The following MYT1L variants were observed in gnomAD, a reference collection of about 807,000 sequenced individuals.
The protein encoded by MYT1L is myelin transcription factor 1 like.
MYT1L carries 12 observed loss-of-function variants against 126.7 expected under a neutral mutation model. That is an observed-to-expected ratio of 0.09 (90% CI 0.06 to 0.15). The LOEUF is 0.15. Ranked by LOEUF, MYT1L falls within the 10% of genes least tolerant of loss-of-function variation. The probability of loss-of-function intolerance (pLI) is 1.00; values close to 1 mark genes in which losing one functional copy is unlikely to be tolerated. For missense variants in MYT1L, 979 were observed against 1,585.2 expected, an observed-to-expected ratio of 0.62 and a Z score of 6.49; for synonymous variants, 541 against 604.2, an observed-to-expected ratio of 0.90 and a Z score of 1.53.
chr2:2,113,761 T>C (rs552197061), intron 3 of MYT1L, among the ~76,000 whole-genome samples: 7 of 152,260 alleles, frequency 4.6e-5, no homozygotes, highest in African/African-American at 1.2e-4. Context: ...AAAACATTAC[T>C]GCCTCCATTA....
intron 9 of MYT1L, among the ~76,000 whole-genome samples, chr2:1,940,697 G>A (rs992082729): frequency 2.0e-5 from 3 of 152,264 alleles, no homozygotes; most frequent in East Asian, 3.8e-4. Flanking sequence ...GATAATAGAA[G>A]TTATTTCCTT....
chr2:2,027,234 C>A (rs998326641), intron 4 of MYT1L, among the ~76,000 whole-genome samples: 3 of 152,142 alleles, frequency 2.0e-5, no homozygotes, highest in African/African-American at 4.8e-5. Flanking sequence ...GAGAGCTCCA[C>A]CCCGGGAGGC....
At chr2:2,285,920 G>A (rs937322756) in intron 1 of MYT1L, among the ~76,000 whole-genome samples, 1 of 152,156 alleles carries the variant, frequency 6.6e-6, no homozygotes, top group Non-Finnish European at 1.5e-5. Flanking sequence ...CTGCAGGCTA[G>A]CCTCCAGTTT....
At chr2:2,041,154 T>C (rs796246123) in intron 4 of MYT1L, among the ~76,000 whole-genome samples, 15 of 152,350 alleles carry the variant, frequency 9.8e-5, no homozygotes, top group African/African-American at 3.6e-4. Context: ...ATAATTTTGC[T>C]TGAGGTAACT....
intron 8 of MYT1L, among the ~76,000 whole-genome samples, chr2:1,976,407 C>T (rs573491213): frequency 7.2e-5 from 11 of 152,272 alleles, no homozygotes; most frequent in African/African-American, 2.2e-4. Flanking sequence ...TTTGGGAGGC[C>T]GAGGCGGGCG....
At chr2:2,129,225 C>T (rs1374946183) in intron 3 of MYT1L, among the ~76,000 whole-genome samples, 2 of 152,166 alleles carry the variant, frequency 1.3e-5, no homozygotes, top group African/African-American at 4.8e-5. Flanking sequence ...AGCACAGTTT[C>T]ACGTGTCTCT....
At chr2:2,036,697 G>C (rs2066891786) in intron 4 of MYT1L, among the ~76,000 whole-genome samples, 1 of 152,156 alleles carries the variant, frequency 6.6e-6, no homozygotes, top group Non-Finnish European at 1.5e-5. Context: ...CATAGTCTGA[G>C]CTACATCATC....
intron 1 of MYT1L, among the ~76,000 whole-genome samples, chr2:2,293,210 A>G (rs2149473857): frequency 6.6e-6 from 1 of 152,308 alleles, no homozygotes; most frequent in Admixed American, 6.5e-5. Flanking sequence ...AGCTGTGTCC[A>G]TCTTCTATGT....
At position 2,117,868 on chromosome 2, in the gene MYT1L, C is replaced by T. The variant is rs190070039; in HGVS notation, c.-304+55004G>A. Among the ~76,000 whole-genome samples the T allele has an allele frequency of 2.6e-5, 4 of 151,822 alleles. No individual in the cohort carries two copies. In the East Asian group the frequency reaches 5.8e-4, roughly 22 times the overall value. On this transcript the variant is annotated intron_variant, in intron 3 of 24. Coordinates refer to ENST00000647738, the MANE Select transcript of MYT1L (RefSeq NM_001303052.2). ...AGACAGAGCCAGAGTCGGTAATAGGCGGAACATGGAAAGTGAAAATCTTCA... is the reference window on the plus strand; with the variant it reads ...AGACAGAGCCAGAGTCGGTAATAGGTGGAACATGGAAAGTGAAAATCTTCA...
intron 2 of MYT1L, among the ~76,000 whole-genome samples, chr2:2,213,090 T>C (rs780495041): frequency 2.6e-5 from 4 of 152,190 alleles, no homozygotes; most frequent in African/African-American, 7.2e-5. Context: ...CCCACCAGGA[T>C]GCAGGGACAG....
At chr2:2,150,558 G>A (rs2085591404) in intron 3 of MYT1L, among the ~76,000 whole-genome samples, 1 of 152,078 alleles carries the variant, frequency 6.6e-6, no homozygotes, top group Non-Finnish European at 1.5e-5. Flanking sequence ...AAGACCAATT[G>A]CTACCAGTTT....
At chr2:2,290,822 G>A (rs1024723216) in intron 1 of MYT1L, among the ~76,000 whole-genome samples, 1 of 152,170 alleles carries the variant, frequency 6.6e-6, no homozygotes, top group Admixed American at 6.5e-5. Flanking sequence ...GTCCCCTGGT[G>A]ATCCTGATGT....
intron 18 of MYT1L, among the ~76,000 whole-genome samples, chr2:1,854,712 G>A (rs951315089): frequency 1.3e-5 from 2 of 152,164 alleles, no homozygotes; most frequent in Non-Finnish European, 2.9e-5. Context: ...CGAGTTGGGC[G>A]GGTGGGGCGT....
At chr2:2,126,126 T>C (rs2081657410) in intron 3 of MYT1L, among the ~76,000 whole-genome samples, 1 of 152,170 alleles carries the variant, frequency 6.6e-6, no homozygotes, top group African/African-American at 2.4e-5. Flanking sequence ...GATCTCCAAC[T>C]GTTCCACCAG....
At chr2:2,297,385 G>A (rs2095711241) in intron 1 of MYT1L, among the ~76,000 whole-genome samples, 1 of 152,212 alleles carries the variant, frequency 6.6e-6, no homozygotes, top group South Asian at 2.1e-4. Flanking sequence ...CCTGCACAGG[G>A]GCGTAAGCCA....
chr2:1,843,604 G>C (rs187629267), intron 19 of MYT1L, among the ~76,000 whole-genome samples: 2 of 151,014 alleles, frequency 1.3e-5, no homozygotes, highest in Non-Finnish European at 3.0e-5. Context: ...AATTACTATG[G>C]TGTCCTTCCT....
At chr2:2,188,688 T>C (rs1028151104) in intron 2 of MYT1L, among the ~76,000 whole-genome samples, 1 of 152,136 alleles carries the variant, frequency 6.6e-6, no homozygotes, top group Non-Finnish European at 1.5e-5. Flanking sequence ...TTAGACTTCC[T>C]GGGGATCTGT....
At chr2:2,012,499 G>T (rs183651109) in intron 4 of MYT1L, among the ~76,000 whole-genome samples, 1 of 152,248 alleles carries the variant, frequency 6.6e-6, no homozygotes, top group East Asian at 1.9e-4. Context: ...TTTCTGAGGT[G>T]ATGAAAATGT....
intron 21 of MYT1L, among the ~76,000 whole-genome samples, chr2:1,821,800 G>A (rs2038572275): frequency 6.6e-6 from 1 of 152,180 alleles, no homozygotes; most frequent in Admixed American, 6.5e-5. Flanking sequence ...GATTCCCGGA[G>A]CCACACGGGA....
Sources: allele counts gnomAD v4.1 joint callset (sites outside exome capture counted in the v4.1 genomes callset), GRCh38; gene constraint gnomAD v4.1.1; transcripts MANE v1.5; gene names NCBI Gene and HGNC (gene_info 2026-07-23, HGNC 2026-07-21).